Variants in CCDC91 observed in about 807,000 individuals in gnomAD.
CCDC91 encodes coiled-coil domain containing 91.
A neutral mutation model predicts 63.2 loss-of-function variants in CCDC91; 48 were observed. The observed-to-expected ratio is 0.76, with a 90% CI of 0.60 to 0.97. The LOEUF is 0.97. Among genes scored for constraint, CCDC91 ranks in the 50% least tolerant of loss-of-function variants. CCDC91 has a pLI of 0.00. For synonymous variants in CCDC91, 167 were observed against 165.8 expected (o/e 1.01, Z -0.06); for missense variants, 500 against 494.6 (o/e 1.01, Z -0.10).
At position 28,452,929 on chromosome 12, in the gene CCDC91, A is replaced by G. The variant is rs1187821271; in HGVS notation, c.1101+275A>G. Reference sequence around the variant, plus strand: ...GTCAAAACAAAATTTATGTTTAGTCATTGCAAATATATTAACCTTTCTGTG... The same window carrying G: ...GTCAAAACAAAATTTATGTTTAGTCGTTGCAAATATATTAACCTTTCTGTG... On this transcript the variant is annotated intron_variant, in intron 11 of 12. Transcript: ENST00000536442. Among the ~76,000 whole-genome samples, 5 of 151,994 alleles carry G rather than the reference A, an allele frequency of 3.3e-5. No homozygotes were observed. The East Asian group carries it at 5.8e-4, about 18-fold the overall frequency.
intron 12 of CCDC91, among the ~76,000 whole-genome samples, chr12:28,509,724 T>A (rs918822482): frequency 2.0e-5 from 3 of 151,912 alleles, no homozygotes; most frequent in African/African-American, 7.2e-5. Context: ...ATGAAAATAT[T>A]TGTATTGCTC....
chr12:28,549,313 A>G lies in CCDC91; in HGVS notation c.*140A>G. Reference sequence around the variant, plus strand: ...TCCAGTTCAAGGATAAACCAAAACAATATTTAGAACTATCAAGTGATCTAA... The same window carrying G: ...TCCAGTTCAAGGATAAACCAAAACAGTATTTAGAACTATCAAGTGATCTAA... On this transcript the variant is annotated 3_prime_UTR_variant, in exon 13 of 13. Coordinates refer to ENST00000536442, the MANE Select transcript of CCDC91 (RefSeq NM_018318.5). 1.8e-6 allele frequency: 1 copy of G among 542,646 alleles called. No individual in the cohort carries two copies. The highest frequency in any genetic ancestry group is 3.4e-6 in the Non-Finnish European group (1 of 297,022). The allele number at this position is 542,646 out of a possible 1,614,324, so 33.6% of individuals were successfully genotyped here. A position where few individuals can be genotyped will look rare whatever the true frequency, so the allele number is the denominator to read the frequency against.
At chr12:28,538,448 A>G (rs1459957783) in intron 12 of CCDC91, among the ~76,000 whole-genome samples, 3 of 151,804 alleles carry the variant, frequency 2.0e-5, no homozygotes, top group Non-Finnish European at 4.4e-5. Flanking sequence ...ATCATTTTTT[A>G]TGGCTGCATA....
At chr12:28,241,035 A>G (rs1945298731) in intron 1 of CCDC91, among the ~76,000 whole-genome samples, 1 of 152,194 alleles carries the variant, frequency 6.6e-6, no homozygotes, top group African/African-American at 2.4e-5. Flanking sequence ...CACTTTCTCC[A>G]CATCCTTGCC....
chr12:28,317,814 T>C (rs1210481175), intron 6 of CCDC91, among the ~76,000 whole-genome samples: 1 of 151,982 alleles, frequency 6.6e-6, no homozygotes, highest in Non-Finnish European at 1.5e-5. Flanking sequence ...TTTGTACCTT[T>C]TTTTAATCAG....
In CCDC91 at chr12:28,480,103, C is replaced by T. The variant is rs539149324; in HGVS notation, c.1102-3949C>T. Among the ~76,000 whole-genome samples, 14 of 152,090 alleles carry T rather than the reference C, an allele frequency of 9.2e-5. 1 individual carries two copies. Among genetic ancestry groups the T allele is most frequent in the African/African-American group, 3.1e-4 (13 of 41,536 alleles). Reference sequence around the variant, plus strand: ...TCCCAAGAGAGCCTTCATCTGTAGCCAGAAGCCTGAAACATATACTCAGGT... The same window carrying T: ...TCCCAAGAGAGCCTTCATCTGTAGCTAGAAGCCTGAAACATATACTCAGGT... On this transcript the variant is annotated intron_variant, in intron 11 of 12. Coordinates refer to ENST00000536442, the MANE Select transcript of CCDC91 (RefSeq NM_018318.5).
chr12:28,279,303 T>A (rs1484399564), intron 3 of CCDC91, among the ~76,000 whole-genome samples: 3 of 152,116 alleles, frequency 2.0e-5, no homozygotes, highest in Non-Finnish European at 2.9e-5. Flanking sequence ...TATATTTGTA[T>A]CCTCTTTAAT....
intron 7 of CCDC91, among the ~76,000 whole-genome samples, chr12:28,367,225 C>G (rs1592447409): frequency 6.6e-6 from 1 of 152,056 alleles, no homozygotes; most frequent in African/African-American, 2.4e-5. Context: ...AATGTTTTAA[C>G]AAGTGATTAT....
intron 11 of CCDC91, among the ~76,000 whole-genome samples, chr12:28,454,077 G>A (rs1269261782): frequency 6.6e-6 from 1 of 152,114 alleles, no homozygotes; most frequent in Non-Finnish European, 1.5e-5. Flanking sequence ...AACATGTCTT[G>A]AATAAATTAT....
At chr12:28,245,842 A>G (rs918859223) in intron 1 of CCDC91, among the ~76,000 whole-genome samples, 2 of 152,316 alleles carry the variant, frequency 1.3e-5, no homozygotes, top group African/African-American at 2.4e-5. Flanking sequence ...CATTTTGGAA[A>G]GTACTTTTTC....
chr12:28,274,841 C>G (rs1033391307), intron 3 of CCDC91, among the ~76,000 whole-genome samples: 5 of 152,068 alleles, frequency 3.3e-5, no homozygotes, highest in African/African-American at 1.2e-4. Flanking sequence ...ATTTCCTTCT[C>G]CTGCCTGATT....
At chr12:28,467,687 C>T (rs1950610923) in intron 11 of CCDC91, among the ~76,000 whole-genome samples, 1 of 152,040 alleles carries the variant, frequency 6.6e-6, no homozygotes, top group South Asian at 2.1e-4. Flanking sequence ...AGATCATTCT[C>T]AAGGATAGAC....
chr12:28,477,419 AC>A (rs1307570895), intron 11 of CCDC91, among the ~76,000 whole-genome samples: 4 of 151,996 alleles, frequency 2.6e-5, no homozygotes, highest in Non-Finnish European at 5.9e-5. Context: ...AAATTCAACA[AC>A]CCTTCATGCT....
chr12:28,278,403 A>G (rs796545908), intron 3 of CCDC91, among the ~76,000 whole-genome samples: 14 of 152,170 alleles, frequency 9.2e-5, no homozygotes, highest in African/African-American at 3.4e-4. Flanking sequence ...GATTTATGCC[A>G]TCATTCTTGA....
At chr12:28,212,353 A>G (rs4931737) in intron 1 of CCDC91, among the ~76,000 whole-genome samples, 7,316 of 152,318 alleles carry the variant, frequency 0.048, 255 homozygotes, top group South Asian at 0.14. Context: ...TTTATAGACA[A>G]AAAAAGGAAA....
chr12:28,391,434 A>G, intron 8 of CCDC91, 23 bp downstream of exon 8: 1 of 1,373,130 alleles, frequency 7.3e-7, no homozygotes, highest in African/African-American at 1.4e-5. Context: ...CACATCCATT[A>G]TATATTTATA....
intron 12 of CCDC91, among the ~76,000 whole-genome samples, chr12:28,496,664 T>C (rs1952299836): frequency 6.6e-6 from 1 of 151,534 alleles, no homozygotes; most frequent in South Asian, 2.1e-4. Flanking sequence ...TCATTCTTTC[T>C]AGAACAGAAC....
chr12:28,470,697 A>G (rs935706957), intron 11 of CCDC91, among the ~76,000 whole-genome samples: 5 of 152,188 alleles, frequency 3.3e-5, no homozygotes, highest in East Asian at 1.9e-4. Flanking sequence ...GTGTTCATCA[A>G]TAGATGAATA....
intron 6 of CCDC91, among the ~76,000 whole-genome samples, chr12:28,314,193 AAC>A (rs1939613262): frequency 6.6e-6 from 1 of 151,984 alleles, no homozygotes; most frequent in African/African-American, 2.4e-5. Flanking sequence ...TTAAAAAAAA[AAC>A]AACTAGTACT....
Sources: gnomAD v4.1 joint callset for allele counts (sites outside exome capture counted in the v4.1 genomes callset) on GRCh38, gnomAD v4.1.1 for gene constraint, MANE v1.5 for transcripts, NCBI Gene and HGNC (gene_info 2026-07-23, HGNC 2026-07-21) for gene names.